Variants in CORO7 observed in about 807,000 individuals in gnomAD.
CORO7 encodes the protein coronin 7.
CORO7 carries 107 observed loss-of-function variants against 126.6 expected under a neutral mutation model. That is an observed-to-expected ratio of 0.85 (90% CI 0.72 to 0.99). CORO7 has a LOEUF of 0.99. Ranked by LOEUF, CORO7 falls within the 50% of genes least tolerant of loss-of-function variation. The probability of loss-of-function intolerance (pLI) is 0.00; values close to 1 mark genes in which losing one functional copy is unlikely to be tolerated. For synonymous variants in CORO7, 603 were observed against 536.8 expected (o/e 1.12, Z -1.70); for missense variants, 1,314 against 1,255.8 (o/e 1.05, Z -0.70).
At chr16:4,399,261 A>G (rs2055713559) in intron 6 of CORO7, among the ~76,000 whole-genome samples, 2 of 152,242 alleles carry the variant, frequency 1.3e-5, no homozygotes, top group African/African-American at 2.4e-5. Context: ...ATAAATGGAT[A>G]AACAAAATGT....
chr16:4,392,433 T>C (rs1476045308), intron 7 of CORO7, among the ~76,000 whole-genome samples: 2 of 152,112 alleles, frequency 1.3e-5, no homozygotes, highest in African/African-American at 2.4e-5. Flanking sequence ...ACATGCAGTA[T>C]AAGAACCAAG....
chr16:4,393,839 G>A (rs868731707), intron 7 of CORO7, among the ~76,000 whole-genome samples: 10 of 152,308 alleles, frequency 6.6e-5, no homozygotes, highest in South Asian at 4.1e-4. Context: ...GGTAGCTCAC[G>A]TCTGTAATCC....
chr16:4,382,466 C>G (rs970376450), intron 9 of CORO7: 1 of 1,607,384 alleles, frequency 6.2e-7, no homozygotes, highest in Non-Finnish European at 8.5e-7. Context: ...CCCAACGCCA[C>G]TTACTCCGTC....
At chr16:4,372,721 G>T (rs2054580455) in intron 9 of CORO7, among the ~76,000 whole-genome samples, 1 of 152,294 alleles carries the variant, frequency 6.6e-6, no homozygotes, top group South Asian at 2.1e-4. Context: ...GTGGTCACTG[G>T]CAGGCCAGCC....
intron 6 of CORO7, among the ~76,000 whole-genome samples, chr16:4,397,076 A>C (rs1220226155): frequency 5.9e-5 from 9 of 152,064 alleles, no homozygotes. Context: ...GTACAGATAA[A>C]AAAAACTTGA....
chr16:4,364,877 A>G lies in CORO7; in HGVS notation c.942T>C (p.Leu314=), dbSNP rs1259585083. 9 of 1,611,954 alleles carry G rather than the reference A, an allele frequency of 5.6e-6. No homozygotes were observed. The highest frequency in any genetic ancestry group is 7.6e-6 in the Non-Finnish European group (9 of 1,179,698). ...VLESVLRGAA[L]VPRQALAVMS... Reference sequence around the variant, plus strand: ...TGACGGCCAGCGCCTGCCGGGGCACAAGGGCAGCCCCACGCAGCACGCTCT... The same window carrying G: ...TGACGGCCAGCGCCTGCCGGGGCACGAGGGCAGCCCCACGCAGCACGCTCT... The change falls in exon 12 of 28, where the codon CTT becomes CTC. Residue 314 remains leucine, a synonymous_variant. Coordinates refer to ENST00000251166, the MANE Select transcript of CORO7 (RefSeq NM_024535.5).
chr16:4,400,993 A>C (rs2141299032), intron 6 of CORO7, among the ~76,000 whole-genome samples: 1 of 152,230 alleles, frequency 6.6e-6, no homozygotes, highest in South Asian at 2.1e-4. Context: ...CCATCAACTA[A>C]AACAACCCAA....
At position 4,405,471 on chromosome 16, in the gene CORO7, A is replaced by G; in HGVS notation, c.564+20T>C. ...AGGCCTGCACAGAGCCCCACAGGGC[A>G]TCCCCACCTGCCTGCTCACCTTGCA... On this transcript the variant is annotated intron_variant, in intron 6 of 27. Coordinates refer to ENST00000251166, the MANE Select transcript of CORO7 (RefSeq NM_024535.5). The G allele has an allele frequency of 6.2e-7, 1 of 1,609,382 alleles. No individual in the cohort carries two copies.
intron 6 of CORO7, among the ~76,000 whole-genome samples, chr16:4,404,021 G>T (rs1466765654): frequency 6.6e-6 from 1 of 152,176 alleles, no homozygotes; most frequent in Admixed American, 6.5e-5. Flanking sequence ...GGCCCCCAGA[G>T]CTTAGGCCAG....
chr16:4,359,122 CTAAA>C, intron 23 of CORO7, 170 bp downstream of exon 23: 1 of 718,900 alleles, frequency 1.4e-6, no homozygotes, highest in Non-Finnish European at 2.2e-6. Context: ...CTCAAAATTC[CTAAA>C]TAATTCCAGC....
intron 6 of CORO7, 80 bp from the exon 7 acceptor site, chr16:4,395,419 C>G: frequency 6.3e-7 from 1 of 1,587,882 alleles, no homozygotes; most frequent in Non-Finnish European, 8.6e-7. Flanking sequence ...CCTCACCTCC[C>G]AACCCCCAGC....
At chr16:4,396,085 T>C (rs2055579843) in intron 6 of CORO7, among the ~76,000 whole-genome samples, 1 of 152,040 alleles carries the variant, frequency 6.6e-6, no homozygotes. Flanking sequence ...TAATAATTTT[T>C]TTTTTCTTTT....
chr16:4,365,562 A>T lies in CORO7; in HGVS notation c.786-17T>A. ...ACGAGACACCTGGGGAAGAGAGGGC[A>T]AGATGGCGGGTCAGGGCAGTGGGAG... On this transcript the variant is annotated splice_polypyrimidine_tract_variant and intron_variant, in intron 9 of 27. Coordinates refer to ENST00000251166, the MANE Select transcript of CORO7 (RefSeq NM_024535.5). The T allele has an allele frequency of 6.4e-7, 1 of 1,572,148 alleles. No homozygotes were observed. The highest frequency in any genetic ancestry group is 8.6e-7 in the Non-Finnish European group (1 of 1,158,818).
chr16:4,365,136 C>T (rs528328410), intron 10 of CORO7, 76 bp from the exon 11 acceptor site: 20 of 1,542,418 alleles, frequency 1.3e-5, no homozygotes, highest in East Asian at 2.4e-5. Context: ...TCAGCTCCCC[C>T]ACAGGTCCCC....
chr16:4,395,528 C>G (rs2055552358), intron 6 of CORO7, among the ~76,000 whole-genome samples, 189 bp from the exon 7 acceptor site: 1 of 152,180 alleles, frequency 6.6e-6, no homozygotes, highest in African/African-American at 2.4e-5. Context: ...CAACCACCAC[C>G]CAGTCCCCCA....
At chr16:4,368,729 C>G (rs1167130185) in intron 9 of CORO7, among the ~76,000 whole-genome samples, 1 of 132,958 alleles carries the variant, frequency 7.5e-6, no homozygotes, top group Non-Finnish European at 1.5e-5. Context: ...GCCTTGGCAA[C>G]AGAGTGAGAC....
chr16:4,360,240 C>T (rs747452792), intron 21 of CORO7, 38 bp downstream of exon 21: 77 of 1,612,608 alleles, frequency 4.8e-5, no homozygotes, highest in Non-Finnish European at 6.2e-5. Context: ...ACACAGGTGG[C>T]TTCTGAAGCC....
chr16:4,382,912 CAG>C (rs760292195), intron 9 of CORO7: 27 of 1,489,638 alleles, frequency 1.8e-5, no homozygotes, highest in Admixed American at 1.2e-4. Flanking sequence ...CAGAGAGAGA[CAG>C]GGCAGCTGGG....
chr16:4,393,407 C>T (rs1367397575), intron 7 of CORO7, among the ~76,000 whole-genome samples: 1 of 152,214 alleles, frequency 6.6e-6, no homozygotes, highest in African/African-American at 2.4e-5. Flanking sequence ...AAGAGGTCAG[C>T]CAGCCTCACC....
Sources: allele counts gnomAD v4.1 joint callset (sites outside exome capture counted in the v4.1 genomes callset), GRCh38; gene constraint gnomAD v4.1.1; transcripts MANE v1.5; gene names NCBI Gene and HGNC (gene_info 2026-07-23, HGNC 2026-07-21).